Variants in ZNF141 observed in about 807,000 individuals in gnomAD.
The protein encoded by ZNF141 is zinc finger protein 141.
ZNF141 carries 7 observed loss-of-function variants against 11.3 expected under a neutral mutation model. That is an observed-to-expected ratio of 0.62 (90% CI 0.35 to 1.16). ZNF141 has a LOEUF of 1.16. ZNF141 is among the 50% of genes most tolerant of loss of function. The pLI, the probability that ZNF141 is intolerant of heterozygous loss-of-function variation, is 0.02. For synonymous variants in ZNF141, 183 were observed against 190.7 expected (o/e 0.96, Z 0.33); for missense variants, 535 against 554.0 (o/e 0.97, Z 0.34).
Position 338,032 on chromosome 4 carries a change from G to C in ZNF141, c.3+46G>C, listed in dbSNP as rs781928803. The C allele has an allele frequency of 5.0e-6, 8 of 1,611,204 alleles. No homozygotes were observed. The African/African-American group carries it at 9.4e-5, about 19-fold the overall frequency. The stretch of plus-strand genomic sequence containing the variant: ...GTCCCAAGGCTGAGGAGGTCTCATC[G>C]GAGCTGGCGGGAAATGGCGGCGGGA... On this transcript the variant is annotated intron_variant, in intron 1 of 3. Coordinates refer to ENST00000240499, the MANE Select transcript of ZNF141 (RefSeq NM_003441.4).
At chr4:370,150 A>G (rs942286477) in intron 3 of ZNF141, among the ~76,000 whole-genome samples, 2 of 152,088 alleles carry the variant, frequency 1.3e-5, no homozygotes, top group South Asian at 2.1e-4. Context: ...GAATGTTGTT[A>G]TTGATGTCAC....
At chr4:338,099 TG>T in intron 1 of ZNF141, 113 bp downstream of exon 1, 8 of 1,476,260 alleles carry the variant, frequency 5.4e-6, no homozygotes, top group Non-Finnish European at 7.4e-6. Flanking sequence ...CGCTCAGCCC[TG>T]GGGCCTCAGT....
intron 3 of ZNF141, among the ~76,000 whole-genome samples, chr4:345,427 C>T (rs1721273252): frequency 6.6e-6 from 1 of 152,104 alleles, no homozygotes; most frequent in Non-Finnish European, 1.5e-5. Context: ...ATTTTGGCTT[C>T]CCTGGGCCAC....
chr4:374,378 C>T lies in ZNF141; in HGVS notation c.*516C>T, dbSNP rs930355424. ...ATGCTGGAGCAAAATGCTTCACATGCGAAGAATGTGGCACAGTCTTTACCA... is the reference window on the plus strand; with the variant it reads ...ATGCTGGAGCAAAATGCTTCACATGTGAAGAATGTGGCACAGTCTTTACCA... On this transcript the variant is annotated 3_prime_UTR_variant, in exon 4 of 4. Coordinates refer to ENST00000240499, the MANE Select transcript of ZNF141 (RefSeq NM_003441.4). The T allele has an allele frequency of 1.5e-4, 53 of 355,610 alleles. No homozygotes were observed. Among genetic ancestry groups the T allele is most frequent in the South Asian group, 1.1e-3 (46 of 42,428 alleles). The allele number at this position is 355,610 out of a possible 1,614,324, so 22.0% of individuals were successfully genotyped here. A position where few individuals can be genotyped will look rare whatever the true frequency, so the allele number is the denominator to read the frequency against.
chr4:353,277 G>C (rs1017448179), intron 3 of ZNF141, among the ~76,000 whole-genome samples: 1 of 151,502 alleles, frequency 6.6e-6, no homozygotes, highest in Non-Finnish European at 1.5e-5. Flanking sequence ...GGGGGACTGA[G>C]TCTGGAGGAT....
At position 373,104 on chromosome 4, in the gene ZNF141, G is replaced by A. The variant is rs1712160499; in HGVS notation, c.667G>A (p.Gly223Arg). The change falls in exon 4 of 4, where the codon GGA becomes AGA. Residue 223 changes from glycine (G) to arginine (R), a missense_variant. Transcript: ENST00000240499. ...IFNEHKRIHT[G>R]EKPFTCEECG... ...TAATGAACATAAGAGAATTCATACT[G>A]GAGAGAAACCTTTTACTTGTGAAGA... is the stretch of plus-strand genomic sequence containing the variant. The A allele has an allele frequency of 5.6e-6, 9 of 1,613,806 alleles. No homozygotes were observed. The highest frequency in any genetic ancestry group is 7.6e-6 in the Non-Finnish European group (9 of 1,179,986).
At chr4:353,508 T>G (rs1721707135) in intron 3 of ZNF141, among the ~76,000 whole-genome samples, 2 of 150,300 alleles carry the variant, frequency 1.3e-5, no homozygotes, top group Non-Finnish European at 3.0e-5. Context: ...TCGTCCAGGC[T>G]GGAGTGCAGT....
At chr4:342,898 A>G in intron 1 of ZNF141, 2 of 1,599,542 alleles carry the variant, frequency 1.3e-6, no homozygotes, top group Non-Finnish European at 8.6e-7. Flanking sequence ...GCCGAAGTCC[A>G]AAAGCTTCAG....
intron 3 of ZNF141, among the ~76,000 whole-genome samples, chr4:369,760 A>ATTTTTTTTTTTTTTTTT (rs1240893040): frequency 2.9e-5 from 1 of 34,092 alleles, no homozygotes; most frequent in African/African-American, 2.0e-4. Flanking sequence ...ATATATATAT[A>ATTTTTTTTTTTTTTTTT]TATATTTTTT....
intron 3 of ZNF141, among the ~76,000 whole-genome samples, chr4:353,423 T>C (rs1553850763): frequency 6.6e-6 from 1 of 150,890 alleles, no homozygotes; most frequent in African/African-American, 2.4e-5. Flanking sequence ...ATGGTGGGTC[T>C]GTTGAAGAAT....
chr4:352,343 T>C (rs527550015), intron 3 of ZNF141, among the ~76,000 whole-genome samples: 67 of 152,176 alleles, frequency 4.4e-4, no homozygotes, highest in African/African-American at 1.6e-3. Context: ...GCCAAGACTA[T>C]ACCACTGCGC....
At chr4:346,850 T>C (rs1187018388) in intron 3 of ZNF141, among the ~76,000 whole-genome samples, 2 of 148,986 alleles carry the variant, frequency 1.3e-5, no homozygotes, top group African/African-American at 5.1e-5. Flanking sequence ...TATATATATA[T>C]GTATATACAT....
At chr4:342,727 T>G in intron 1 of ZNF141, 1 of 1,196,720 alleles carries the variant, frequency 8.4e-7, no homozygotes, top group Non-Finnish European at 1.2e-6. Flanking sequence ...ATCCTGTCCA[T>G]TGTTCTGGGT....
At chr4:343,094 A>G (rs1721131667) in intron 1 of ZNF141, 1 of 602,198 alleles carries the variant, frequency 1.7e-6, no homozygotes, top group African/African-American at 1.9e-5. Context: ...CATGATTAAA[A>G]AAGTCCTTAT....
In ZNF141 at chr4:384,801, C is replaced by G. The variant is rs1383593542; in HGVS notation, c.*10939C>G. ...AGAACTCAGCCCCATTTCTGGCAACCTGCTTTCATGTCCCCTTTCTGCTGA... is the reference window on the plus strand; with the variant it reads ...AGAACTCAGCCCCATTTCTGGCAACGTGCTTTCATGTCCCCTTTCTGCTGA... On this transcript the variant is annotated 3_prime_UTR_variant, in exon 4 of 4. Coordinates refer to ENST00000240499, the MANE Select transcript of ZNF141 (RefSeq NM_003441.4). 1 of 152,288 alleles carries G rather than the reference C, an allele frequency of 6.6e-6. No individual in the cohort carries two copies. Among genetic ancestry groups the G allele is most frequent in the African/African-American group, 2.4e-5 (1 of 41,452 alleles). The allele number at this position is 152,288 out of a possible 1,614,324, so 9.4% of individuals were successfully genotyped here. A position where few individuals can be genotyped will look rare whatever the true frequency, so the allele number is the denominator to read the frequency against.
chr4:355,890 C>T (rs576071018), intron 3 of ZNF141, among the ~76,000 whole-genome samples: 51 of 152,262 alleles, frequency 3.3e-4, no homozygotes, highest in Admixed American at 5.9e-4. Flanking sequence ...TACACCAGAG[C>T]TCACTTTTGT....
rs1712127844 is a variant in ZNF141, at chr4:372,705, G to A, written c.268G>A (p.Gly90Ser). 4 of 1,602,238 alleles carry A rather than the reference G, an allele frequency of 2.5e-6. No homozygotes were observed. The East Asian group carries it at 8.9e-5, about 36-fold the overall frequency. ...CACCCAAGACCATTGGCCAGTGCAG[G>A]GCATAGAAGATTCATTCCACAAACT... is the stretch of plus-strand genomic sequence containing the variant. ...HFTQDHWPVQ[G>S]IEDSFHKLIL... Residue 90 changes from glycine to serine, a missense_variant, in exon 4 of 4, where the codon GGC (glycine) becomes AGC (serine). Transcript: ENST00000240499.
intron 3 of ZNF141, among the ~76,000 whole-genome samples, chr4:362,855 A>G (rs143714465): frequency 0.029 from 4,440 of 152,296 alleles, 216 homozygotes; most frequent in African/African-American, 0.1. Flanking sequence ...TGTCTTGGCA[A>G]TGCAGGCTCT....
In ZNF141 at chr4:383,420, C is replaced by T; in HGVS notation, c.*9558C>T. Reference sequence around the variant, plus strand: ...ACAAATAACCTGCAAATGCTTGCCACCCTGTAAGTATTGATTTTCTTTTTT... The same window carrying T: ...ACAAATAACCTGCAAATGCTTGCCATCCTGTAAGTATTGATTTTCTTTTTT... On this transcript the variant is annotated 3_prime_UTR_variant, in exon 4 of 4. Transcript: ENST00000240499. 1 of 395,194 alleles carries T rather than the reference C, an allele frequency of 2.5e-6. No homozygotes were observed. 24.5% of individuals were successfully genotyped at this position (395,194 alleles called of 1,614,324 possible).
Sources: gnomAD v4.1 joint callset for allele counts (sites outside exome capture counted in the v4.1 genomes callset) on GRCh38, gnomAD v4.1.1 for gene constraint, MANE v1.5 for transcripts, NCBI Gene and HGNC (gene_info 2026-07-23, HGNC 2026-07-21) for gene names.